The following RABGAP1L variants were observed in gnomAD, a reference collection of about 807,000 sequenced individuals.
RABGAP1L encodes the protein RAB GTPase activating protein 1 like.
Under a neutral mutation model 137.7 loss-of-function variants are expected in RABGAP1L, and 63 were observed. That is an observed-to-expected ratio of 0.46 (90% confidence interval 0.37 to 0.56). The LOEUF (loss-of-function observed/expected upper bound fraction) is 0.56. Ranked by LOEUF, RABGAP1L falls within the 20% of genes least tolerant of loss-of-function variation. The probability of loss-of-function intolerance (pLI) is 0.00; values close to 1 mark genes in which losing one functional copy is unlikely to be tolerated. For synonymous variants in RABGAP1L, 431 were observed against 433.7 expected (o/e 0.99, Z 0.08); for missense variants, 1,095 against 1,244.0 (o/e 0.88, Z 1.80).
intron 19 of RABGAP1L, among the ~76,000 whole-genome samples, chr1:174,943,903 C>T (rs768567255): frequency 7.2e-5 from 11 of 152,138 alleles, no homozygotes; most frequent in Admixed American, 1.3e-4. Flanking sequence ...TGTTCCAGGA[C>T]GGCTTTACCT....
At chr1:174,439,883 G>A (rs1466373015) in intron 13 of RABGAP1L, among the ~76,000 whole-genome samples, 3 of 152,094 alleles carry the variant, frequency 2.0e-5, no homozygotes, top group Non-Finnish European at 4.4e-5. Context: ...TCTCCTCATG[G>A]GACTTGTAAT....
At chr1:174,785,738 C>A (rs892309253) in intron 18 of RABGAP1L, among the ~76,000 whole-genome samples, 2 of 152,192 alleles carry the variant, frequency 1.3e-5, no homozygotes, top group African/African-American at 2.4e-5. Flanking sequence ...CTATAACCCA[C>A]GCTGCTTCTC....
At chr1:174,441,179 C>T (rs1395106364) in intron 13 of RABGAP1L, among the ~76,000 whole-genome samples, 1 of 151,568 alleles carries the variant, frequency 6.6e-6, no homozygotes, top group Admixed American at 6.6e-5. Flanking sequence ...AATGATTCCT[C>T]CTAGATATTT....
Position 174,457,916 on chromosome 1 carries a change from GTCAA to G in RABGAP1L, c.1710+63776_1710+63779del, listed in dbSNP as rs1315018547. Among the ~76,000 whole-genome samples the G allele has an allele frequency of 2.0e-5, 3 of 152,110 alleles. No homozygotes were observed. The East Asian group carries it at 5.8e-4, about 29-fold the overall frequency. Reference sequence around the variant, plus strand: ...ATGACAGGCAGGTTTTAACTTCTCTGTCAATCAAGTTAATCATATGATGTAGGCC... The same window carrying G: ...ATGACAGGCAGGTTTTAACTTCTCTGTCAAGTTAATCATATGATGTAGGCC... On this transcript the variant is annotated intron_variant, in intron 13 of 25. Coordinates refer to ENST00000681986, the MANE Select transcript of RABGAP1L (RefSeq NM_001366446.1).
intron 15 of RABGAP1L, among the ~76,000 whole-genome samples, chr1:174,687,261 T>A (rs1678548020): frequency 6.6e-6 from 1 of 152,116 alleles, no homozygotes. Flanking sequence ...CTTTGTGAAC[T>A]CCAACAAGAT....
chr1:174,677,183 A>AT (rs1235350616), intron 14 of RABGAP1L, among the ~76,000 whole-genome samples: 3 of 151,420 alleles, frequency 2.0e-5, no homozygotes, highest in Non-Finnish European at 4.4e-5. Flanking sequence ...TTATCCGTGC[A>AT]TGGTGGCATG....
At chr1:174,447,464 C>A (rs1342678958) in intron 13 of RABGAP1L, among the ~76,000 whole-genome samples, 1 of 151,838 alleles carries the variant, frequency 6.6e-6, no homozygotes, top group East Asian at 1.9e-4. Context: ...ATAAATTTGA[C>A]CCCCCAACAT....
Position 174,637,426 on chromosome 1 carries a change from G to A in RABGAP1L, c.1762G>A (p.Ala588Thr), listed in dbSNP as rs766060727. The A allele has an allele frequency of 5.7e-5, 92 of 1,613,258 alleles. No homozygotes were observed. Among genetic ancestry groups the A allele is most frequent in the Non-Finnish European group, 7.1e-5 (84 of 1,179,366 alleles). ...TCGAGATATTCATCGTACATTTCCC[G>A]CACATGATTACTTTAAAGATACTGG... ...ITRDIHRTFPAHDYFKDTGGD... is the reference protein window; with the variant it reads ...ITRDIHRTFPTHDYFKDTGGD... Residue 588 changes from alanine (A) to threonine (T), a missense_variant, in exon 14 of 26, where the codon GCA (alanine) becomes ACA (threonine). Ala to Thr is a moderately conservative substitution (Grantham distance 58). Transcript: ENST00000681986.
chr1:174,653,404 C>T (rs932155385), intron 14 of RABGAP1L, among the ~76,000 whole-genome samples: 10 of 152,170 alleles, frequency 6.6e-5, no homozygotes, highest in African/African-American at 1.9e-4. Flanking sequence ...GCTTGAAACC[C>T]AGGGCCTTGG....
At chr1:174,758,025 A>G (rs1684904064) in intron 18 of RABGAP1L, among the ~76,000 whole-genome samples, 1 of 150,748 alleles carries the variant, frequency 6.6e-6, no homozygotes, top group Non-Finnish European at 1.5e-5. Flanking sequence ...TCCATCTCAA[A>G]AAAAAAAAAA....
intron 13 of RABGAP1L, among the ~76,000 whole-genome samples, chr1:174,611,862 G>C (rs1671285782): frequency 6.6e-6 from 1 of 152,094 alleles, no homozygotes; most frequent in Non-Finnish European, 1.5e-5. Flanking sequence ...CTGTTTGTCT[G>C]TTATTGGTGT....
At chr1:174,759,283 T>TA (rs59159307) in intron 18 of RABGAP1L, among the ~76,000 whole-genome samples, 5,830 of 130,636 alleles carry the variant, frequency 0.045, 346 homozygotes, top group African/African-American at 0.14. Context: ...GTAATTTATT[T>TA]AAAAAAAAAA....
rs577093440 is a variant in RABGAP1L, at chr1:174,364,962, C to T, written c.1466-6017C>T. ...CTGGAATTGAGGCCTCACGACTCTG[C>T]CCATTACCTTATTCTACTGTGAGTG... On this transcript the variant is annotated intron_variant, in intron 11 of 25. Transcript: ENST00000681986. Among the ~76,000 whole-genome samples the T allele has an allele frequency of 1.2e-4, 18 of 152,250 alleles. No homozygotes were observed. In the South Asian group the frequency reaches 1.5e-3, roughly 12 times the overall value.
rs145315816 is a variant in RABGAP1L at position 174,818,455 on chromosome 1, G to A, written c.2340+6495G>A. 1.7e-3 allele frequency among the ~76,000 whole-genome samples: 265 copies of A among 152,298 alleles called. 1 individual carries two copies. Among genetic ancestry groups the A allele is most frequent in the Non-Finnish European group, 2.9e-3 (200 of 68,018 alleles). ...AATGGTCTTAATGAAAGTAGTTTCAGTTAAGTTATGACAAATAAAAGCCAA... is the reference window on the plus strand; with the variant it reads ...AATGGTCTTAATGAAAGTAGTTTCAATTAAGTTATGACAAATAAAAGCCAA... On this transcript the variant is annotated intron_variant, in intron 19 of 25. Transcript: ENST00000681986.
intron 19 of RABGAP1L, among the ~76,000 whole-genome samples, chr1:174,830,546 G>A (rs1208716760): frequency 1.4e-5 from 2 of 146,390 alleles, no homozygotes; most frequent in African/African-American, 2.5e-5. Flanking sequence ...GCACGATGTC[G>A]GCTCACTGCA....
chr1:174,181,933 T>A (rs1202466234), intron 1 of RABGAP1L, among the ~76,000 whole-genome samples: 1 of 152,150 alleles, frequency 6.6e-6, no homozygotes, highest in Non-Finnish European at 1.5e-5. Flanking sequence ...CCTCCCTAAT[T>A]TAAGAAGATA....
chr1:174,726,928 G>A (rs1682036150), intron 17 of RABGAP1L, among the ~76,000 whole-genome samples: 3 of 152,008 alleles, frequency 2.0e-5, no homozygotes, highest in Non-Finnish European at 2.9e-5. Flanking sequence ...GGTACTCATC[G>A]TGTTCTGTCT....
chr1:174,474,167 AATTT>A (rs1009923857), intron 13 of RABGAP1L, among the ~76,000 whole-genome samples: 9 of 152,188 alleles, frequency 5.9e-5, no homozygotes, highest in African/African-American at 2.2e-4. Context: ...AAAATGAATA[AATTT>A]ATTCAATACT....
intron 19 of RABGAP1L, among the ~76,000 whole-genome samples, chr1:174,918,835 T>C (rs1347934340): frequency 7.1e-6 from 1 of 140,746 alleles, no homozygotes; most frequent in African/African-American, 2.9e-5. Context: ...CCCCCCGATC[T>C]CTACACAAAA....
Sources: gnomAD v4.1 joint callset for allele counts (sites outside exome capture counted in the v4.1 genomes callset) on GRCh38, gnomAD v4.1.1 for gene constraint, MANE v1.5 for transcripts, NCBI Gene and HGNC (gene_info 2026-07-23, HGNC 2026-07-21) for gene names.